The following BBX variants were observed in gnomAD, a reference collection of about 807,000 sequenced individuals.
The protein encoded by BBX is HMG box transcription factor BBX.
Under a neutral mutation model 100.2 loss-of-function variants are expected in BBX, and 30 were observed. The observed-to-expected ratio is 0.30, with a 90% confidence interval of 0.22 to 0.41. The LOEUF (loss-of-function observed/expected upper bound fraction) is 0.41. Among genes scored for constraint, BBX ranks in the 10% least tolerant of loss-of-function variants. BBX has a pLI of 1.00. For missense variants in BBX, 1,023 were observed against 1,129.8 expected, an observed-to-expected ratio of 0.91 and a Z score of 1.35; for synonymous variants, 376 against 388.1, an observed-to-expected ratio of 0.97 and a Z score of 0.37.
intron 5 of BBX, among the ~76,000 whole-genome samples, chr3:107,722,690 A>T (rs2062628656): frequency 6.6e-6 from 1 of 152,040 alleles, no homozygotes; most frequent in South Asian, 2.1e-4. Context: ...GTAGAACTTA[A>T]AATATTGTTC....
At chr3:107,786,688 A>G (rs965601046) in intron 13 of BBX, among the ~76,000 whole-genome samples, 1 of 152,166 alleles carries the variant, frequency 6.6e-6, no homozygotes, top group African/African-American at 2.4e-5. Flanking sequence ...AAACAATAAA[A>G]CTTTCAAAGC....
intron 2 of BBX, among the ~76,000 whole-genome samples, chr3:107,598,673 C>G (rs1470073221): frequency 6.6e-6 from 1 of 152,136 alleles, no homozygotes; most frequent in African/African-American, 2.4e-5. Context: ...TGCCTGAAGT[C>G]ACATAGGTGG....
At chr3:107,712,340 A>G (rs1054357793) in intron 4 of BBX, among the ~76,000 whole-genome samples, 2 of 152,134 alleles carry the variant, frequency 1.3e-5, no homozygotes, top group Non-Finnish European at 2.9e-5. Flanking sequence ...ATTTCTATTT[A>G]CTTGGTATAT....
chr3:107,681,588 C>T (rs1295082295), intron 3 of BBX, among the ~76,000 whole-genome samples: 1 of 152,048 alleles, frequency 6.6e-6, no homozygotes, highest in African/African-American at 2.4e-5. Context: ...AACTATCTCA[C>T]TCAAGATGCC....
chr3:107,555,514 A>G (rs2050031333), intron 2 of BBX, among the ~76,000 whole-genome samples: 1 of 152,226 alleles, frequency 6.6e-6, no homozygotes, highest in South Asian at 2.1e-4. Flanking sequence ...AAGATCAAAC[A>G]AAAAAGTTAC....
Position 107,809,773 on chromosome 3 carries a change from G to A in BBX, c.*4316G>A, listed in dbSNP as rs1405875475. On this transcript the variant is annotated 3_prime_UTR_variant, in exon 18 of 18. Transcript: ENST00000325805. ...AATTAAAACTTAGCTTTCCCAAATA[G>A]CTCCTTATTTTGCACCTTATAAAAA... 1.3e-5 allele frequency: 2 copies of A among 152,100 alleles called. No individual in the cohort carries two copies. The highest frequency in any genetic ancestry group is 2.9e-5 in the Non-Finnish European group (2 of 67,996). The allele number at this position is 152,100 out of a possible 1,614,324, so 9.4% of individuals were successfully genotyped here.
At position 107,584,192 on chromosome 3, in the gene BBX, TG is replaced by T. The variant is rs375455140; in HGVS notation, c.-84+57795del. Among the ~76,000 whole-genome samples the T allele has an allele frequency of 2.3e-3, 90 of 38,482 alleles. 9 individuals are homozygous for T. The highest frequency in any genetic ancestry group is 6.7e-3 in the South Asian group (16 of 2,374). 25.2% of individuals were successfully genotyped at this position (38,482 alleles called of 152,430 possible). On this transcript the variant is annotated intron_variant, in intron 2 of 17. Transcript: ENST00000325805. Reference sequence around the variant, plus strand: ...TATTATATATATTATATATAATATATGATATATATATTATTATATATATTAT... The same window carrying T: ...TATTATATATATTATATATAATATATATATATATATTATTATATATATTAT...
At chr3:107,585,379 C>T (rs995559714) in intron 2 of BBX, among the ~76,000 whole-genome samples, 2 of 152,092 alleles carry the variant, frequency 1.3e-5, no homozygotes, top group Non-Finnish European at 2.9e-5. Flanking sequence ...TGACAGTAGT[C>T]TGGTTATTTA....
intron 3 of BBX, among the ~76,000 whole-genome samples, chr3:107,673,218 A>G (rs2059113762): frequency 6.6e-6 from 1 of 152,106 alleles, no homozygotes; most frequent in South Asian, 2.1e-4. Flanking sequence ...ATAATAAAGA[A>G]AAGAGAACAA....
At chr3:107,655,075 G>A (rs967484628) in intron 3 of BBX, among the ~76,000 whole-genome samples, 1 of 152,118 alleles carries the variant, frequency 6.6e-6, no homozygotes. Flanking sequence ...ACTATGTTGG[G>A]AAAATCTTTA....
chr3:107,553,700 C>T (rs1439183988), intron 2 of BBX, among the ~76,000 whole-genome samples: 2 of 152,212 alleles, frequency 1.3e-5, no homozygotes, highest in Non-Finnish European at 2.9e-5. Flanking sequence ...GAAGAAGTCA[C>T]TGAGAACTTG....
chr3:107,659,040 A>G (rs2058299747), intron 3 of BBX, among the ~76,000 whole-genome samples: 1 of 152,098 alleles, frequency 6.6e-6, no homozygotes, highest in Non-Finnish European at 1.5e-5. Context: ...CCAACTTGAA[A>G]GAATAGATCA....
In BBX at chr3:107,536,031, A is replaced by C. The variant is rs548315659; in HGVS notation, c.-84+9633A>C. Among the ~76,000 whole-genome samples the C allele has an allele frequency of 4.6e-4, 70 of 152,366 alleles. 1 individual carries two copies. Among genetic ancestry groups the C allele is most frequent in the Admixed American group, 2.9e-3 (45 of 15,308 alleles). ...AAAGGCAGTTCCATATTAGTGGAAA[A>C]ATTAATAAGCGGATTCATGGCCTTC... On this transcript the variant is annotated intron_variant, in intron 2 of 17. Transcript: ENST00000325805.
intron 3 of BBX, among the ~76,000 whole-genome samples, chr3:107,689,598 A>G (rs945275510): frequency 6.6e-6 from 1 of 152,198 alleles, no homozygotes; most frequent in Non-Finnish European, 1.5e-5. Context: ...AGAAAAGTAC[A>G]TTGCGTCACA....
At chr3:107,633,192 C>G (rs1426710967) in intron 2 of BBX, among the ~76,000 whole-genome samples, 1 of 151,696 alleles carries the variant, frequency 6.6e-6, no homozygotes, top group East Asian at 1.9e-4. Context: ...CTTTGAATTT[C>G]AAAAAACAGT....
At chr3:107,592,911 T>C (rs989543578) in intron 2 of BBX, among the ~76,000 whole-genome samples, 1 of 152,208 alleles carries the variant, frequency 6.6e-6, no homozygotes, top group African/African-American at 2.4e-5. Context: ...ACTTTGTTTT[T>C]CAAAGATCTA....
chr3:107,671,714 C>G (rs1428895202), intron 3 of BBX, among the ~76,000 whole-genome samples: 1 of 152,014 alleles, frequency 6.6e-6, no homozygotes, highest in Admixed American at 6.6e-5. Flanking sequence ...TTATTAGATC[C>G]GTATAGCACT....
chr3:107,630,068 AGTT>A (rs927740327), intron 2 of BBX, among the ~76,000 whole-genome samples: 3 of 152,168 alleles, frequency 2.0e-5, no homozygotes, highest in Non-Finnish European at 4.4e-5. Context: ...TTTAACACTT[AGTT>A]GTTATCACTT....
chr3:107,622,521 C>CCATA (rs1432622931), intron 2 of BBX, among the ~76,000 whole-genome samples: 1 of 152,104 alleles, frequency 6.6e-6, no homozygotes, highest in Non-Finnish European at 1.5e-5. Flanking sequence ...AGCAGCTATG[C>CCATA]CATTTTGTAC....
Sources: gnomAD v4.1 joint callset for allele counts (sites outside exome capture counted in the v4.1 genomes callset) on GRCh38, gnomAD v4.1.1 for gene constraint, MANE v1.5 for transcripts, NCBI Gene and HGNC (gene_info 2026-07-23, HGNC 2026-07-21) for gene names.